CYP4X1: variants seen among roughly 807,000 people sequenced by gnomAD.
CYP4X1 encodes cytochrome P450 family 4 subfamily X member 1, also known as cytochrome P450 4X1.
CYP4X1 carries 44 observed loss-of-function variants against 57.9 expected under a neutral mutation model. The observed-to-expected ratio is 0.76, with a 90% CI of 0.60 to 0.98. The LOEUF is 0.98. Among genes scored for constraint, CYP4X1 ranks in the 50% least tolerant of loss-of-function variants. The pLI, the probability that CYP4X1 is intolerant of heterozygous loss-of-function variation, is 0.00. For synonymous variants in CYP4X1, 227 were observed against 228.6 expected (o/e 0.99, Z 0.06); for missense variants, 532 against 623.9 (o/e 0.85, Z 1.57).
intron 6 of CYP4X1, 51 bp downstream of exon 6, chr1:47,036,222 T>TA (rs1371993269): frequency 6.4e-7 from 1 of 1,553,970 alleles, no homozygotes; most frequent in Non-Finnish European, 8.7e-7. Context: ...ATGATTGTAC[T>TA]GTGTCTGTCT....
chr1:47,011,412 A>G, the CYP4X1 span, among the ~76,000 whole-genome samples: 3 of 152,348 alleles, frequency 2.0e-5, no homozygotes, highest in Admixed American at 2.0e-4. Context: ...TTAATTCAAG[A>G]TGGATTAAAG....
At chr1:47,009,727 A>T in the CYP4X1 span, among the ~76,000 whole-genome samples, 1 of 152,244 alleles carries the variant, frequency 6.6e-6, no homozygotes, top group Non-Finnish European at 1.5e-5. Flanking sequence ...GATAAAGGGG[A>T]TATCACCACC....
At chr1:46,997,622 A>G in the CYP4X1 span, among the ~76,000 whole-genome samples, 2 of 152,334 alleles carry the variant, frequency 1.3e-5, no homozygotes, top group African/African-American at 2.4e-5. Context: ...ATGGACTCTT[A>G]GGTTGATTCA....
the CYP4X1 span, among the ~76,000 whole-genome samples, chr1:47,014,397 G>A: frequency 6.6e-6 from 1 of 152,236 alleles, no homozygotes; most frequent in East Asian, 1.9e-4. Flanking sequence ...GAGAGAGGAG[G>A]AGAAACCTTA....
At chr1:46,981,455 T>A in the CYP4X1 span, among the ~76,000 whole-genome samples, 135 of 152,318 alleles carry the variant, frequency 8.9e-4, no homozygotes, top group Non-Finnish European at 1.4e-3. Context: ...CCAGTTAGAA[T>A]GGCGATCATT....
At chr1:46,969,126 G>A in the CYP4X1 span, among the ~76,000 whole-genome samples, 1 of 152,138 alleles carries the variant, frequency 6.6e-6, no homozygotes, top group East Asian at 1.9e-4. Flanking sequence ...TGATCAGTGA[G>A]TGAGTGCTCA....
chr1:46,978,410 T>C, the CYP4X1 span, among the ~76,000 whole-genome samples: 2 of 152,060 alleles, frequency 1.3e-5, no homozygotes. Context: ...AAGGGATCAA[T>C]TCAACAAGAA....
chr1:47,039,357 AG>A lies in CYP4X1; in HGVS notation c.899del (p.Ser300ThrfsTer11), dbSNP rs1644219672. ...VLSAKDESGS[S>X]FSDIDVHSEV... is the part of the protein sequence containing the mutation. ...TACTTTCTAGGATGAAAGTGGTAGC[AG>A]CTTCTCAGATATTGATGTACACTCT... On this transcript the variant is annotated frameshift_variant, in exon 8 of 12. Transcript: ENST00000371901. LOFTEE classifies it high-confidence loss of function. The A allele has an allele frequency of 1.9e-6, 3 of 1,596,168 alleles. No homozygotes were observed. In the South Asian group the frequency reaches 3.4e-5, roughly 18 times the overall value.
At chr1:46,980,284 G>T in the CYP4X1 span, among the ~76,000 whole-genome samples, 1 of 152,116 alleles carries the variant, frequency 6.6e-6, no homozygotes, top group African/African-American at 2.4e-5. Context: ...CAAAGTCTCA[G>T]GATACAAAAT....
At chr1:46,974,677 T>C in the CYP4X1 span, among the ~76,000 whole-genome samples, 1 of 152,200 alleles carries the variant, frequency 6.6e-6, no homozygotes, top group Non-Finnish European at 1.5e-5. Context: ...CATTTTATCA[T>C]TGTGTAATGC....
intron 8 of CYP4X1, among the ~76,000 whole-genome samples, chr1:47,044,614 T>G (rs956225619): frequency 1.3e-5 from 2 of 152,232 alleles, no homozygotes; most frequent in Non-Finnish European, 2.9e-5. Context: ...ATTTTCATGT[T>G]GTTAATTAGT....
the CYP4X1 span, among the ~76,000 whole-genome samples, chr1:46,983,186 G>A: frequency 6.6e-6 from 1 of 152,184 alleles, no homozygotes; most frequent in African/African-American, 2.4e-5. Flanking sequence ...AGCAAGGGTG[G>A]GTATTGCTGC....
the CYP4X1 span, among the ~76,000 whole-genome samples, chr1:46,971,882 A>T: frequency 1.3e-5 from 2 of 152,112 alleles, no homozygotes; most frequent in African/African-American, 4.8e-5. Context: ...TATTCTGTAG[A>T]CTGTCCATGT....
At chr1:46,983,668 T>C in the CYP4X1 span, among the ~76,000 whole-genome samples, 1 of 152,156 alleles carries the variant, frequency 6.6e-6, no homozygotes, top group African/African-American at 2.4e-5. Flanking sequence ...TGTAAGGCAG[T>C]TGCAGTGTTC....
intron 11 of CYP4X1, 22 bp from the exon 12 acceptor site, chr1:47,049,978 T>G: frequency 6.2e-7 from 1 of 1,608,050 alleles, no homozygotes; most frequent in Non-Finnish European, 8.5e-7. Context: ...CAAGTATCAC[T>G]TTCTTTCCCT....
chr1:47,035,620 G>C (rs1644171712), intron 4 of CYP4X1, among the ~76,000 whole-genome samples, 186 bp from the exon 5 acceptor site: 1 of 152,108 alleles, frequency 6.6e-6, no homozygotes, highest in Admixed American at 6.6e-5. Flanking sequence ...CACTCCGCTG[G>C]GTGTATTTTT....
At chr1:47,028,900 G>A (rs1401984242) in intron 1 of CYP4X1, among the ~76,000 whole-genome samples, 4 of 152,308 alleles carry the variant, frequency 2.6e-5, no homozygotes, top group South Asian at 2.1e-4. Context: ...GATAGTCAGT[G>A]GGTGCTTATC....
Position 47,046,538 on chromosome 1 carries a change from C to T in CYP4X1, c.1145C>T (p.Pro382Leu), listed in dbSNP as rs766034515. The T allele has an allele frequency of 2.4e-5, 38 of 1,613,984 alleles. No individual in the cohort carries two copies. The highest frequency in any genetic ancestry group is 2.7e-5 in the Non-Finnish European group (32 of 1,180,034). The stretch of plus-strand genomic sequence containing the variant: ...ACGTGCCGATTGATTCCTGCAGTCC[C>T]GTCCATTTCCAGAGATCTCAGCAAG... ...KETCRLIPAVPSISRDLSKPL... is the reference protein window; with the variant it reads ...KETCRLIPAVLSISRDLSKPL... The change falls in exon 9 of 12, where the codon CCG becomes CTG. Residue 382 changes from proline to leucine, a missense_variant. Transcript: ENST00000371901.
chr1:46,981,117 C>T, the CYP4X1 span, among the ~76,000 whole-genome samples: 1 of 152,038 alleles, frequency 6.6e-6, no homozygotes, highest in Non-Finnish European at 1.5e-5. Flanking sequence ...GCAACAGAAG[C>T]CAAAATTGAC....
Sources: gnomAD v4.1 joint callset for allele counts (sites outside exome capture counted in the v4.1 genomes callset) on GRCh38, gnomAD v4.1.1 for gene constraint, MANE v1.5 for transcripts, NCBI Gene and HGNC (gene_info 2026-07-23, HGNC 2026-07-21) for gene names.